Variants in ARPP21 observed in about 807,000 individuals in gnomAD.
ARPP21 encodes cAMP regulated phosphoprotein 21.
In ARPP21, 69 loss-of-function variants were observed where a neutral mutation model predicts 113.2. The ratio of observed to expected loss-of-function variants is 0.61; its 90% CI spans 0.50 to 0.74. The LOEUF (loss-of-function observed/expected upper bound fraction) is 0.74, where lower values mean the gene tolerates loss of function less well. ARPP21 is among the 30% of genes least tolerant of loss of function. ARPP21 has a pLI of 0.00. For synonymous variants in ARPP21, 368 were observed against 375.5 expected (o/e 0.98, Z 0.23); for missense variants, 1,070 against 1,037.4 (o/e 1.03, Z -0.43).
chr3:35,758,208 C>G (rs975925201), intron 19 of ARPP21, among the ~76,000 whole-genome samples: 4 of 151,902 alleles, frequency 2.6e-5, no homozygotes, highest in Non-Finnish European at 5.9e-5. Context: ...AGAGAAACAG[C>G]AATTACAACT....
intron 19 of ARPP21, chr3:35,781,355 A>G (rs989992469): frequency 1.3e-5 from 2 of 152,240 alleles, no homozygotes; most frequent in South Asian, 2.1e-4. Context: ...CATTAAAAGA[A>G]TGAAACTTCT....
At chr3:35,770,578 C>T (rs2096163814) in intron 19 of ARPP21, among the ~76,000 whole-genome samples, 2 of 152,168 alleles carry the variant, frequency 1.3e-5, no homozygotes, top group South Asian at 2.1e-4. Flanking sequence ...AAGACACACC[C>T]AGCCTTTAGA....
At chr3:35,692,171 C>T (rs1318087291) in intron 9 of ARPP21, among the ~76,000 whole-genome samples, 1 of 151,596 alleles carries the variant, frequency 6.6e-6, no homozygotes, top group Non-Finnish European at 1.5e-5. Flanking sequence ...TGAACTGAAT[C>T]GTGTTTAAGG....
At chr3:35,788,923 T>G (rs923939802) in intron 19 of ARPP21, among the ~76,000 whole-genome samples, 2 of 152,242 alleles carry the variant, frequency 1.3e-5, no homozygotes, top group Admixed American at 6.5e-5. Context: ...GTGCGTTCTT[T>G]TATTTGCTAG....
intron 1 of ARPP21, among the ~76,000 whole-genome samples, chr3:35,659,371 G>A (rs1161054289): frequency 6.6e-6 from 1 of 152,092 alleles, no homozygotes; most frequent in Non-Finnish European, 1.5e-5. Context: ...AATATAAATA[G>A]TTAATATTTT....
chr3:35,751,221 C>G (rs1670497460), intron 19 of ARPP21, among the ~76,000 whole-genome samples: 1 of 152,156 alleles, frequency 6.6e-6, no homozygotes, highest in African/African-American at 2.4e-5. Context: ...AGGGATGTGT[C>G]TCACCTCTGC....
At chr3:35,736,515 T>C (rs2094360986) in intron 15 of ARPP21, among the ~76,000 whole-genome samples, 1 of 152,180 alleles carries the variant, frequency 6.6e-6, no homozygotes, top group Non-Finnish European at 1.5e-5. Flanking sequence ...TTAATAATAG[T>C]AAACCATGCC....
At chr3:35,758,930 T>C (rs1260831648) in intron 19 of ARPP21, among the ~76,000 whole-genome samples, 1 of 152,016 alleles carries the variant, frequency 6.6e-6, no homozygotes, top group Non-Finnish European at 1.5e-5. Context: ...TCCAGATAAG[T>C]GGATTTTAAG....
At chr3:35,784,208 C>T (rs570495302) in intron 19 of ARPP21, among the ~76,000 whole-genome samples, 26 of 152,102 alleles carry the variant, frequency 1.7e-4, no homozygotes, top group African/African-American at 4.6e-4. Flanking sequence ...AGAATCAAAG[C>T]AACAAAAATG....
intron 19 of ARPP21, among the ~76,000 whole-genome samples, chr3:35,744,805 T>G (rs2094916013): frequency 6.6e-6 from 1 of 152,238 alleles, no homozygotes; most frequent in African/African-American, 2.4e-5. Context: ...ACTGAATCTA[T>G]GTTATGCATA....
intron 11 of ARPP21, among the ~76,000 whole-genome samples, chr3:35,712,036 T>A (rs1311417820): frequency 6.6e-6 from 1 of 152,166 alleles, no homozygotes; most frequent in Non-Finnish European, 1.5e-5. Flanking sequence ...AAGAGGCTAT[T>A]ACTGTATCCT....
Position 35,721,811 on chromosome 3 carries a change from G to A in ARPP21, c.1202G>A (p.Ser401Asn). The A allele has an allele frequency of 6.2e-7, 1 of 1,609,848 alleles. No individual in the cohort carries two copies. Among genetic ancestry groups the A allele is most frequent in the Non-Finnish European group, 8.5e-7 (1 of 1,177,706 alleles). ...GGTGACAGCACTTCCAGTACTAGGA[G>A]TACCGGGAAGCTGTCCAAAGCAGGT... ...TRGDSTSSTR[S>N]TGKLSKAGSE... The change falls in exon 14 of 21, where the codon AGT (serine) becomes AAT (asparagine). Residue 401 changes from serine (S) to asparagine (N), a missense_variant. Coordinates refer to ENST00000684406, the MANE Select transcript of ARPP21 (RefSeq NM_001385562.1).
intron 5 of ARPP21, among the ~76,000 whole-genome samples, chr3:35,687,370 G>A (rs968767275): frequency 6.6e-6 from 1 of 150,468 alleles, no homozygotes; most frequent in Non-Finnish European, 1.5e-5. Flanking sequence ...AACTACGGAG[G>A]ACTTTTTTTT....
chr3:35,720,571 G>T (rs995595825), intron 13 of ARPP21, among the ~76,000 whole-genome samples: 1 of 152,102 alleles, frequency 6.6e-6, no homozygotes, highest in East Asian at 1.9e-4. Flanking sequence ...TACTGACCAA[G>T]ATTTATATTC....
intron 10 of ARPP21, 25 bp from the exon 11 acceptor site, chr3:35,708,944 C>G (rs1270928614): frequency 1.3e-6 from 2 of 1,547,708 alleles, no homozygotes; most frequent in Non-Finnish European, 1.8e-6. Context: ...TTGGATAACC[C>G]TCCTGATTTC....
At chr3:35,672,411 G>A (rs2076554127) in intron 1 of ARPP21, among the ~76,000 whole-genome samples, 1 of 152,068 alleles carries the variant, frequency 6.6e-6, no homozygotes, top group South Asian at 2.1e-4. Context: ...TCTAGTGGCT[G>A]TTGGTTTAGT....
chr3:35,735,233 T>A (rs956510831), intron 15 of ARPP21, among the ~76,000 whole-genome samples: 2 of 152,166 alleles, frequency 1.3e-5, no homozygotes, highest in African/African-American at 4.8e-5. Context: ...TCCTCCCACC[T>A]CAGCCTCCTG....
At chr3:35,786,742 G>A (rs1226157948) in intron 19 of ARPP21, among the ~76,000 whole-genome samples, 4 of 151,898 alleles carry the variant, frequency 2.6e-5, no homozygotes, top group East Asian at 1.9e-4. Context: ...CAGTAAAATC[G>A]ATGCCTTCCT....
At chr3:35,735,336 C>T (rs1396404352) in intron 15 of ARPP21, among the ~76,000 whole-genome samples, 1 of 152,072 alleles carries the variant, frequency 6.6e-6, no homozygotes, top group Non-Finnish European at 1.5e-5. Context: ...TGGTCTTGAA[C>T]TTCTGAGCTC....
Sources: allele counts gnomAD v4.1 joint callset (sites outside exome capture counted in the v4.1 genomes callset), GRCh38; gene constraint gnomAD v4.1.1; transcripts MANE v1.5; gene names NCBI Gene and HGNC (gene_info 2026-07-23, HGNC 2026-07-21).